Variants in CDK12 observed in about 807,000 individuals in gnomAD.
CDK12 encodes the protein cyclin-dependent kinase 12.
Under a neutral mutation model 133.8 loss-of-function variants are expected in CDK12, and 17 were observed. The observed-to-expected ratio is 0.13, with a 90% CI of 0.09 to 0.19. CDK12 has a LOEUF of 0.19. CDK12 is among the 10% of genes least tolerant of loss of function. The pLI, the probability that CDK12 is intolerant of heterozygous loss-of-function variation, is 1.00. For missense variants in CDK12, 1,508 were observed against 1,818.7 expected, an observed-to-expected ratio of 0.83 and a Z score of 3.11; for synonymous variants, 694 against 683.6, an observed-to-expected ratio of 1.02 and a Z score of -0.24.
chr17:39,530,442 C>T (rs915638537), intron 13 of CDK12, 162 bp from the exon 14 acceptor site: 2 of 1,013,906 alleles, frequency 2.0e-6, no homozygotes, highest in Non-Finnish European at 2.7e-6. Flanking sequence ...CTTTTAATCA[C>T]TTGATTTATT....
chr17:39,515,440 A>C (rs987983159), intron 8 of CDK12, among the ~76,000 whole-genome samples: 77 of 152,110 alleles, frequency 5.1e-4, no homozygotes, highest in African/African-American at 1.9e-3. Context: ...AATTGTCTTT[A>C]GTTATTTCCT....
intron 3 of CDK12, among the ~76,000 whole-genome samples, chr17:39,491,567 G>A (rs747599216): frequency 3.9e-5 from 6 of 152,008 alleles, no homozygotes; most frequent in Non-Finnish European, 7.4e-5. Flanking sequence ...AGCATGTAGC[G>A]ATTAATTTCC....
chr17:39,492,949 T>C, intron 4 of CDK12, 59 bp downstream of exon 4: 1 of 1,397,214 alleles, frequency 7.2e-7, no homozygotes, highest in Non-Finnish European at 9.9e-7. Context: ...AATACTAATA[T>C]CTTAAGTGGA....
Position 39,470,322 on chromosome 17 carries a change from C to T in CDK12, c.1047-557C>T, listed in dbSNP as rs546106424. ...TTTTTTAGTAGAGATGCGGTTTCAC[C>T]GTGTTAGCCAGGATGGTCTCGATCT... is the stretch of plus-strand genomic sequence containing the variant. On this transcript the variant is annotated intron_variant, in intron 1 of 13. Transcript: ENST00000447079. Among the ~76,000 whole-genome samples, 415 of 151,972 alleles carry T rather than the reference C, an allele frequency of 2.7e-3. 1 individual carries two copies. Among genetic ancestry groups the T allele is most frequent in the African/African-American group, 9.3e-3 (385 of 41,464 alleles).
intron 2 of CDK12, among the ~76,000 whole-genome samples, chr17:39,481,995 C>T (rs1180528581): frequency 7.8e-6 from 1 of 127,948 alleles, no homozygotes; most frequent in Non-Finnish European, 1.7e-5. Flanking sequence ...GCTGGGATTA[C>T]AGGCATGAGC....
intron 5 of CDK12, among the ~76,000 whole-genome samples, chr17:39,495,618 T>C: frequency 6.6e-6 from 1 of 151,372 alleles, no homozygotes. Flanking sequence ...GGCAAAACCC[T>C]GACTCTACTA....
intron 2 of CDK12, among the ~76,000 whole-genome samples, chr17:39,475,386 T>A (rs1325818658): frequency 6.6e-6 from 1 of 151,984 alleles, no homozygotes; most frequent in Non-Finnish European, 1.5e-5. Context: ...GGCAGGAGGA[T>A]CACTTGAGCC....
Position 39,531,310 on chromosome 17 carries a change from T to C in CDK12, c.4467T>C (p.Pro1489=), listed in dbSNP as rs1466815850. ...GAGGGGGAAGAGGGAGAGGAGTTCC[T>C]TACTAACCCAGAGACTTCAGTGTCC... ...PPRGGRGRGV[P]Y is the part of the protein sequence containing the mutation. The change falls in exon 14 of 14, where the codon CCT becomes CCC. Residue 1489 remains proline, a synonymous_variant. Coordinates refer to ENST00000447079, the MANE Select transcript of CDK12 (RefSeq NM_016507.4). The C allele has an allele frequency of 6.7e-7, 1 of 1,483,752 alleles. No individual in the cohort carries two copies. Among genetic ancestry groups the C allele is most frequent in the South Asian group, 1.5e-5 (1 of 66,398 alleles). The allele number at this position is 1,483,752 out of a possible 1,614,324, so 91.9% of individuals were successfully genotyped here.
chr17:39,538,118 T>C (rs547103444), downstream of CDK12, among the ~76,000 whole-genome samples: 84 of 152,312 alleles, frequency 5.5e-4, no homozygotes, highest in African/African-American at 1.9e-3. Flanking sequence ...TGGGCAAATA[T>C]GTTAAGCAAT....
At chr17:39,516,467 C>T (rs1330337440) in intron 9 of CDK12, among the ~76,000 whole-genome samples, 2 of 151,342 alleles carry the variant, frequency 1.3e-5, no homozygotes, top group Non-Finnish European at 2.9e-5. Flanking sequence ...AGTGATCCTC[C>T]CACCTTACCC....
chr17:39,550,062 G>A (rs1413134228), upstream of CDK12: 3 of 152,132 alleles, frequency 2.0e-5, no homozygotes, highest in African/African-American at 7.2e-5. Flanking sequence ...CCTTAAAAGG[G>A]GGGTTGAGGG....
At chr17:39,482,599 ATTTTT>A (rs71147345) in intron 2 of CDK12, among the ~76,000 whole-genome samples, 14 of 74,420 alleles carry the variant, frequency 1.9e-4, no homozygotes, top group Admixed American at 1.6e-3. Flanking sequence ...AATCAACTAC[ATTTTT>A]TTTTTTTTTT....
At chr17:39,507,554 T>TAAAA (rs535093731) in intron 6 of CDK12, among the ~76,000 whole-genome samples, 2 of 143,918 alleles carry the variant, frequency 1.4e-5, no homozygotes, top group African/African-American at 5.1e-5. Context: ...AGCTCAGTCT[T>TAAAA]AAAAAAAAAA....
At chr17:39,541,531 A>AT (rs1039407259) in intron 1 of CDK12, among the ~76,000 whole-genome samples, 1 of 151,756 alleles carries the variant, frequency 6.6e-6, no homozygotes. Flanking sequence ...TGCCTGGCTA[A>AT]TTTTTTTGTA....
intron 9 of CDK12, 145 bp downstream of exon 9, chr17:39,515,953 AT>A: frequency 1.8e-6 from 1 of 543,736 alleles, no homozygotes. Flanking sequence ...TTTACCATAT[AT>A]TTTGTCATAG....
At chr17:39,541,511 C>A (rs913191630) in intron 1 of CDK12, among the ~76,000 whole-genome samples, 4 of 151,984 alleles carry the variant, frequency 2.6e-5, no homozygotes, top group Admixed American at 1.3e-4. Flanking sequence ...ACTACAGGCA[C>A]CCGCCACCAT....
intron 3 of CDK12, among the ~76,000 whole-genome samples, chr17:39,564,394 C>T (rs2056500888): frequency 6.6e-6 from 1 of 152,156 alleles, no homozygotes; most frequent in Admixed American, 6.5e-5. Flanking sequence ...CTCCTCCTGG[C>T]AGGAATGGAG....
chr17:39,563,087 T>A (rs890806084), intron 3 of CDK12, among the ~76,000 whole-genome samples: 3 of 152,172 alleles, frequency 2.0e-5, no homozygotes, highest in Admixed American at 1.3e-4. Flanking sequence ...TATTAATGTC[T>A]TCTCGGCTCA....
intron 1 of CDK12, among the ~76,000 whole-genome samples, chr17:39,539,665 C>G (rs2055316237): frequency 6.6e-6 from 1 of 152,134 alleles, no homozygotes; most frequent in Non-Finnish European, 1.5e-5. Flanking sequence ...GTCAGTCTTA[C>G]AGCTGGTGGA....
Sources: allele counts gnomAD v4.1 joint callset (sites outside exome capture counted in the v4.1 genomes callset), GRCh38; gene constraint gnomAD v4.1.1; transcripts MANE v1.5; gene names NCBI Gene and HGNC (gene_info 2026-07-23, HGNC 2026-07-21).